ERI1: variants seen among roughly 807,000 people sequenced by gnomAD.
ERI1 encodes the protein 3'-5' exoribonuclease 1.
ERI1 carries 39 observed loss-of-function variants against 39.7 expected under a neutral mutation model. That is an observed-to-expected ratio of 0.98 (90% confidence interval 0.76 to 1.28). The LOEUF (loss-of-function observed/expected upper bound fraction) is 1.28. Among genes scored for constraint, ERI1 ranks in the 50% most tolerant of loss-of-function variants. The pLI is 0.00. For synonymous variants in ERI1, 204 were observed against 149.6 expected (o/e 1.36, Z -2.65); for missense variants, 581 against 416.9 (o/e 1.39, Z -3.43).
At chr8:9,022,183 T>G (rs1817980630) in intron 6 of ERI1, among the ~76,000 whole-genome samples, 1 of 152,220 alleles carries the variant, frequency 6.6e-6, no homozygotes. Flanking sequence ...TTTAAATGTT[T>G]TGTAAATCTG....
chr8:9,041,734 G>A (rs1798026001), intron 3 of ERI1, among the ~76,000 whole-genome samples: 1 of 152,182 alleles, frequency 6.6e-6, no homozygotes, highest in East Asian at 1.9e-4. Context: ...TTAAAAACTA[G>A]AGAGATTTCT....
At chr8:9,037,018 A>G (rs990649201), downstream of ERI1, among the ~76,000 whole-genome samples, 2 of 152,078 alleles carry the variant, frequency 1.3e-5, no homozygotes, top group Admixed American at 6.5e-5. Flanking sequence ...AGCCTCTGTT[A>G]TCATCATTGC....
At chr8:9,045,580 T>A (rs2117357742) in intron 3 of ERI1, among the ~76,000 whole-genome samples, 1 of 152,210 alleles carries the variant, frequency 6.6e-6, no homozygotes, top group African/African-American at 2.4e-5. Flanking sequence ...GAGGATCACT[T>A]GAGCCCAGGA....
Position 9,030,149 on chromosome 8 carries a change from C to A in ERI1, c.*115C>A, listed in dbSNP as rs749821457. The A allele has an allele frequency of 7.5e-7, 1 of 1,339,646 alleles. No individual in the cohort carries two copies. The highest frequency in any genetic ancestry group is 1.4e-5 in the South Asian group (1 of 72,756). 83.0% of individuals were successfully genotyped at this position (1,339,646 alleles called of 1,614,324 possible). A position where few individuals can be genotyped will look rare whatever the true frequency, so the allele number is the denominator to read the frequency against. ...TTAAGCACCTTAAAACATTTAAAAT[C>A]TTATTACAGGTGATAGAGATAGATA... On this transcript the variant is annotated 3_prime_UTR_variant, in exon 7 of 7. Coordinates refer to ENST00000250263, the MANE Select transcript of ERI1 (RefSeq NM_153332.4).
chr8:9,041,038 C>A (rs1199622231), intron 3 of ERI1, among the ~76,000 whole-genome samples: 1 of 152,170 alleles, frequency 6.6e-6, no homozygotes, highest in African/African-American at 2.4e-5. Flanking sequence ...ACAGCTGAGC[C>A]CCCAGGCACT....
chr8:9,069,823 C>G (rs547078086), intron 3 of ERI1, among the ~76,000 whole-genome samples: 2 of 152,280 alleles, frequency 1.3e-5, no homozygotes, highest in East Asian at 3.9e-4. Context: ...AATGATTATA[C>G]TATTGAACAT....
In ERI1 at chr8:9,008,034, C is replaced by G. The variant is rs771702218; in HGVS notation, c.173C>G (p.Ala58Gly). The stretch of plus-strand genomic sequence containing the variant: ...GGATCCAAGTTCATTACCTCCAGTG[C>G]GAGTGACTTCAGTGACCCGGTTTAC... ...TKGSKFITSSASDFSDPVYKE... is the reference protein window; with the variant it reads ...TKGSKFITSSGSDFSDPVYKE... The change falls in exon 2 of 7, where the codon GCG becomes GGG. Residue 58 changes from alanine (A) to glycine (G), a missense_variant. Transcript: ENST00000250263. The G allele has an allele frequency of 6.9e-6, 11 of 1,598,140 alleles. No homozygotes were observed. The East Asian group carries it at 2.5e-4, about 36-fold the overall frequency.
In ERI1 at chr8:9,020,337, T is replaced by C; in HGVS notation, c.693-13T>C. 1.3e-6 allele frequency: 2 copies of C among 1,497,798 alleles called. No individual in the cohort carries two copies. Among genetic ancestry groups the C allele is most frequent in the Non-Finnish European group, 1.8e-6 (2 of 1,112,588 alleles). The allele number at this position is 1,497,798 out of a possible 1,614,324, so 92.8% of individuals were successfully genotyped here. On this transcript the variant is annotated splice_polypyrimidine_tract_variant and intron_variant, in intron 5 of 6. Transcript: ENST00000250263. ...TTTATTTCATCAATTTTTTGTCCTT[T>C]TTTAATTTATAGTTCTTGGGATATG...
At chr8:9,016,468 T>C in intron 4 of ERI1, 63 bp downstream of exon 4, 1 of 1,013,112 alleles carries the variant, frequency 9.9e-7, no homozygotes, top group East Asian at 2.7e-5. Context: ...GGATTTATTT[T>C]ATACATAATT....
At chr8:9,041,728 A>G (rs1024348550) in intron 3 of ERI1, among the ~76,000 whole-genome samples, 1 of 152,180 alleles carries the variant, frequency 6.6e-6, no homozygotes, top group Non-Finnish European at 1.5e-5. Context: ...CTGCATTTAA[A>G]AACTAGAGAG....
chr8:9,090,237 G>A (rs1366826805), intron 3 of ERI1, among the ~76,000 whole-genome samples: 1 of 151,930 alleles, frequency 6.6e-6, no homozygotes, highest in Non-Finnish European at 1.5e-5. Flanking sequence ...TGCTGTGAGA[G>A]AGGAAAGGAA....
At chr8:9,086,342 G>A (rs369595819) in intron 3 of ERI1, among the ~76,000 whole-genome samples, 15 of 152,270 alleles carry the variant, frequency 9.9e-5, no homozygotes, top group African/African-American at 3.6e-4. Context: ...TTAAGCCCAG[G>A]AGTTTGAGAC....
Position 9,081,497 on chromosome 8 carries a change from A to T in ERI1, n.300-34851A>T, listed in dbSNP as rs553366915. On this transcript the variant is annotated intron_variant and non_coding_transcript_variant, in intron 3 of 3. Transcript: ENST00000518663. ...AAGTGGATGCTGGAATCCCTCAGGCATTGCCAGCTCAGCCATTTTCTCTCC... is the reference window on the plus strand; with the variant it reads ...AAGTGGATGCTGGAATCCCTCAGGCTTTGCCAGCTCAGCCATTTTCTCTCC... Among the ~76,000 whole-genome samples the T allele has an allele frequency of 1.9e-3, 296 of 152,216 alleles. 2 individuals are homozygous for T. The highest frequency in any genetic ancestry group is 5.9e-3 in the African/African-American group (246 of 41,530).
At chr8:9,017,618 C>A (rs11781203) in intron 4 of ERI1, among the ~76,000 whole-genome samples, 1 of 151,890 alleles carries the variant, frequency 6.6e-6, no homozygotes, top group Admixed American at 6.6e-5. Flanking sequence ...GGAAAAACAT[C>A]CTCAAGTTGA....
At chr8:9,028,978 T>G (rs892206994) in intron 6 of ERI1, among the ~76,000 whole-genome samples, 1 of 149,432 alleles carries the variant, frequency 6.7e-6, no homozygotes, top group East Asian at 1.9e-4. Context: ...TGAGAGTTTT[T>G]TTTTTTTTTT....
intron 3 of ERI1, among the ~76,000 whole-genome samples, chr8:9,014,273 G>A (rs1816995887): frequency 6.6e-6 from 1 of 152,192 alleles, no homozygotes; most frequent in Non-Finnish European, 1.5e-5. Context: ...TTAGCCAGAA[G>A]TCTTGCTGGC....
intron 6 of ERI1, among the ~76,000 whole-genome samples, chr8:9,027,136 GGTGTGTGTGTGTATGTGTGT>G (rs1439089897): frequency 5.8e-5 from 8 of 137,598 alleles, no homozygotes; most frequent in African/African-American, 1.9e-4. Flanking sequence ...GTTATTTTCT[GGTGTGTGTGTGTATGTGTGT>G]GTGTGTGTGT....
At chr8:9,064,039 G>A (rs1163794712) in intron 3 of ERI1, among the ~76,000 whole-genome samples, 1 of 151,764 alleles carries the variant, frequency 6.6e-6, no homozygotes, top group Non-Finnish European at 1.5e-5. Flanking sequence ...GGGTTGGGGT[G>A]TGTAAATAAG....
At chr8:9,027,169 G>T (rs899959878) in intron 6 of ERI1, among the ~76,000 whole-genome samples, 1 of 151,882 alleles carries the variant, frequency 6.6e-6, no homozygotes, top group Non-Finnish European at 1.5e-5. Flanking sequence ...GTGTGTGTGT[G>T]TGTGTGTGTT....
Sources: allele counts gnomAD v4.1 joint callset (sites outside exome capture counted in the v4.1 genomes callset), GRCh38; gene constraint gnomAD v4.1.1; transcripts MANE v1.5; gene names NCBI Gene and HGNC (gene_info 2026-07-23, HGNC 2026-07-21).